The following GPR39 variants were observed in gnomAD, a reference collection of about 807,000 sequenced individuals.
GPR39 encodes the protein zinc sensing receptor.
GPR39 carries 23 observed loss-of-function variants against 18.4 expected under a neutral mutation model. The ratio of observed to expected loss-of-function variants is 1.25; its 90% CI spans 0.90 to 1.77. The LOEUF (loss-of-function observed/expected upper bound fraction) is 1.77, where lower values mean the gene tolerates loss of function less well. Among genes scored for constraint, GPR39 ranks in the 40% most tolerant of loss-of-function variants. The pLI, the probability that GPR39 is intolerant of heterozygous loss-of-function variation, is 0.00. For synonymous variants in GPR39, 280 were observed against 257.9 expected, an observed-to-expected ratio of 1.09 and a Z score of -0.82; for missense variants, 647 against 602.4, an observed-to-expected ratio of 1.07 and a Z score of -0.78.
chr2:132,525,620 C>T (rs1011217547), intron 1 of GPR39, among the ~76,000 whole-genome samples: 20 of 152,294 alleles, frequency 1.3e-4, no homozygotes, highest in Admixed American at 7.2e-4. Flanking sequence ...ACACTGTGAT[C>T]GTTTCTGCCT....
intron 1 of GPR39, among the ~76,000 whole-genome samples, chr2:132,443,146 T>A (rs950883813): frequency 1.3e-5 from 2 of 152,240 alleles, no homozygotes; most frequent in Non-Finnish European, 2.9e-5. Context: ...TTGAATACAA[T>A]CACATTTTAT....
chr2:132,512,552 T>A (rs1439496865), intron 1 of GPR39, among the ~76,000 whole-genome samples: 1 of 152,164 alleles, frequency 6.6e-6, no homozygotes, highest in Non-Finnish European at 1.5e-5. Context: ...CAGGTTGGAA[T>A]CCTCCCTCTA....
At chr2:132,426,557 G>A (rs1680121364) in intron 1 of GPR39, among the ~76,000 whole-genome samples, 1 of 152,188 alleles carries the variant, frequency 6.6e-6, no homozygotes, top group African/African-American at 2.4e-5. Context: ...GGCTTCAGAT[G>A]GAAAAAGTGT....
At chr2:132,549,763 G>A (rs566118710) in intron 1 of GPR39, among the ~76,000 whole-genome samples, 171 of 152,122 alleles carry the variant, frequency 1.1e-3, no homozygotes, top group African/African-American at 3.9e-3. Flanking sequence ...ATTCTAATCC[G>A]GTGACAGAGC....
chr2:132,439,170 T>G (rs1680387980), intron 1 of GPR39, among the ~76,000 whole-genome samples: 1 of 152,222 alleles, frequency 6.6e-6, no homozygotes, highest in Non-Finnish European at 1.5e-5. Context: ...AAATTTGATT[T>G]AAAGCAGCAG....
rs184450294 is a variant in GPR39 at position 132,516,901 on chromosome 2, G to C, written c.856+99003G>C. Among the ~76,000 whole-genome samples the C allele has an allele frequency of 1.1e-3, 170 of 152,288 alleles. 2 individuals are homozygous for C. The highest frequency in any genetic ancestry group is 9.7e-4 in the Non-Finnish European group (66 of 68,022). On this transcript the variant is annotated intron_variant, in intron 1 of 1. Transcript: ENST00000329321. ...GGAAGAGAAGTAAAGGAAAGAGAAAGGAATGGAGAAGAAAGATTATTTCAT... is the reference window on the plus strand; with the variant it reads ...GGAAGAGAAGTAAAGGAAAGAGAAACGAATGGAGAAGAAAGATTATTTCAT...
At chr2:132,433,169 C>A (rs10192273) in intron 1 of GPR39, among the ~76,000 whole-genome samples, 32,627 of 152,030 alleles carry the variant, frequency 0.21, 3,668 homozygotes, top group African/African-American at 0.26. Flanking sequence ...AAAATATACA[C>A]AAATCTTTTA....
intron 1 of GPR39, among the ~76,000 whole-genome samples, chr2:132,630,706 C>A (rs984388712): frequency 6.6e-6 from 1 of 151,990 alleles, no homozygotes; most frequent in African/African-American, 2.4e-5. Flanking sequence ...AGGGTTGTGG[C>A]AGTGGGAATG....
chr2:132,462,007 C>T (rs1360406305), intron 1 of GPR39, among the ~76,000 whole-genome samples: 1 of 152,186 alleles, frequency 6.6e-6, no homozygotes, highest in East Asian at 1.9e-4. Flanking sequence ...AGTAAGATTA[C>T]CATGGGCCCG....
intron 1 of GPR39, among the ~76,000 whole-genome samples, chr2:132,496,357 G>A (rs1362737354): frequency 6.6e-6 from 1 of 152,134 alleles, no homozygotes; most frequent in East Asian, 1.9e-4. Context: ...ATTTACCTAG[G>A]CATTTGAAGA....
intron 1 of GPR39, among the ~76,000 whole-genome samples, chr2:132,537,425 G>T (rs2104782025): frequency 6.6e-6 from 1 of 151,988 alleles, no homozygotes; most frequent in Non-Finnish European, 1.5e-5. Context: ...TAGGATTTCT[G>T]CTGAGAAATC....
intron 1 of GPR39, among the ~76,000 whole-genome samples, chr2:132,566,356 G>A (rs997036021): frequency 6.6e-6 from 1 of 150,970 alleles, no homozygotes; most frequent in Non-Finnish European, 1.5e-5. Context: ...TAGGTTGCCT[G>A]TTCACTCTGA....
chr2:132,494,105 A>G (rs1681592224), intron 1 of GPR39, among the ~76,000 whole-genome samples: 1 of 152,050 alleles, frequency 6.6e-6, no homozygotes, highest in Admixed American at 6.5e-5. Context: ...AAGCATGTAT[A>G]GGCAGGTCTT....
intron 1 of GPR39, among the ~76,000 whole-genome samples, chr2:132,521,999 TC>T (rs1679434619): frequency 6.6e-6 from 1 of 152,240 alleles, no homozygotes; most frequent in Non-Finnish European, 1.5e-5. Flanking sequence ...TGGCTTTTCC[TC>T]CCCTTCCCTT....
intron 1 of GPR39, among the ~76,000 whole-genome samples, chr2:132,552,971 C>T (rs1680076153): frequency 6.6e-6 from 1 of 150,382 alleles, no homozygotes; most frequent in Admixed American, 6.6e-5. Flanking sequence ...GAGTCTCACT[C>T]TGTTGCCCAG....
chr2:132,434,481 C>T (rs1303711429), intron 1 of GPR39, among the ~76,000 whole-genome samples: 1 of 152,118 alleles, frequency 6.6e-6, no homozygotes. Context: ...TTGGACAGTG[C>T]CCTTGGCCAC....
At chr2:132,486,098 G>A (rs1199898115) in intron 1 of GPR39, among the ~76,000 whole-genome samples, 1 of 152,182 alleles carries the variant, frequency 6.6e-6, no homozygotes, top group African/African-American at 2.4e-5. Flanking sequence ...GAGCTTTCAG[G>A]TGACCAGGTG....
chr2:132,615,006 C>G (rs1368674800), intron 1 of GPR39, among the ~76,000 whole-genome samples: 3 of 152,220 alleles, frequency 2.0e-5, no homozygotes, highest in African/African-American at 4.8e-5. Flanking sequence ...GAGCAACCCT[C>G]TCTAGACCCA....
At chr2:132,492,741 A>G (rs1681512824) in intron 1 of GPR39, among the ~76,000 whole-genome samples, 1 of 141,652 alleles carries the variant, frequency 7.1e-6, no homozygotes, top group Admixed American at 7.3e-5. Context: ...ATATATATAC[A>G]CACCATGTAT....
Sources: gnomAD v4.1 joint callset for allele counts (sites outside exome capture counted in the v4.1 genomes callset) on GRCh38, gnomAD v4.1.1 for gene constraint, MANE v1.5 for transcripts, NCBI Gene and HGNC (gene_info 2026-07-23, HGNC 2026-07-21) for gene names.